DROSHA: variants seen among roughly 807,000 people sequenced by gnomAD.
The protein encoded by DROSHA is drosha ribonuclease III, also known as ribonuclease 3.
Under a neutral mutation model 181.9 loss-of-function variants are expected in DROSHA, and 56 were observed. The observed-to-expected ratio is 0.31, with a 90% CI of 0.25 to 0.38. DROSHA has a LOEUF of 0.38. Among genes scored for constraint, DROSHA ranks in the 10% least tolerant of loss-of-function variants. DROSHA has a pLI of 1.00. For synonymous variants in DROSHA, 524 were observed against 591.2 expected, an observed-to-expected ratio of 0.89 and a Z score of 1.65; for missense variants, 1,218 against 1,743.5, an observed-to-expected ratio of 0.70 and a Z score of 5.37.
chr5:31,431,665 T>C lies in DROSHA; in HGVS notation c.3056A>G (p.Asp1019Gly). ...CCCGTGAGCATACAGCATAAATCGATCCAGTTCAAGTTTCTACAAAATTCA... is the reference window on the plus strand; with the variant it reads ...CCCGTGAGCATACAGCATAAATCGACCCAGTTCAAGTTTCTACAAAATTCA... ...LAMLAKKLEL[D>G]RFMLYAHGPD... Residue 1019 changes from aspartate to glycine, a missense_variant, in exon 26 of 36, where the codon GAT becomes GGT. This residue lies in a region of DROSHA where 460 missense variants were observed against 774.2 expected (regional missense o/e 0.59). Coordinates refer to ENST00000344624, the MANE Select transcript of DROSHA (RefSeq NM_001382508.1). 1.2e-6 allele frequency: 2 copies of C among 1,613,802 alleles called. No homozygotes were observed. Among genetic ancestry groups the C allele is most frequent in the East Asian group, 2.2e-5 (1 of 44,878 alleles).
At chr5:31,512,005 CACAA>C (rs1738749750) in intron 8 of DROSHA, among the ~76,000 whole-genome samples, 1 of 152,056 alleles carries the variant, frequency 6.6e-6, no homozygotes, top group Non-Finnish European at 1.5e-5. Flanking sequence ...CTCACACACA[CACAA>C]ACACATACCA....
intron 11 of DROSHA, among the ~76,000 whole-genome samples, chr5:31,498,187 CACTGCTG>C (rs1753203496): frequency 6.6e-6 from 1 of 152,114 alleles, no homozygotes; most frequent in Non-Finnish European, 1.5e-5. Context: ...ACACGGACAA[CACTGCTG>C]ACATGGAGTA....
chr5:31,491,262 C>T (rs1468140475), intron 13 of DROSHA, among the ~76,000 whole-genome samples: 2 of 151,430 alleles, frequency 1.3e-5, no homozygotes, highest in Admixed American at 6.6e-5. Context: ...AGAGAGGTGC[C>T]AGTATTTATT....
chr5:31,511,046 T>C lies in DROSHA; in HGVS notation c.1421A>G (p.Asp474Gly). ...PPWEPPKTKL[D>G]EDLESSSESE... is the part of the protein sequence containing the mutation. ...TGACTCTGACTCACCTAAATCTTCA[T>C]CGAGCTTCGTCTTTGGAGGTTCCCA... Residue 474 changes from aspartate (D) to glycine (G), a missense_variant, in exon 9 of 36, where the codon GAT (aspartate) becomes GGT (glycine). Physicochemically the swap from Asp to Gly is moderately conservative, Grantham distance 94. Transcript: ENST00000344624. The C allele has an allele frequency of 6.2e-7, 1 of 1,613,988 alleles. No homozygotes were observed. Among genetic ancestry groups the C allele is most frequent in the Non-Finnish European group, 8.5e-7 (1 of 1,179,866 alleles).
At position 31,526,142 on chromosome 5, in the gene DROSHA, C is replaced by T. The variant is rs541810066; in HGVS notation, c.791G>A (p.Arg264Gln). Residue 264 changes from arginine to glutamine, a missense_variant, in exon 5 of 36, where the codon CGG (arginine) becomes CAG (glutamine). Arg to Gln is a conservative substitution (Grantham distance 43). Coordinates refer to ENST00000344624, the MANE Select transcript of DROSHA (RefSeq NM_001382508.1). ...CCCTCGGTCATAATCAGATCTGTAC[C>T]GGCTGTCTTGTCTTCTCCTGTCGGG... ...RSPDRRRQDSRYRSDYDRGRT... is the reference protein window; with the variant it reads ...RSPDRRRQDSQYRSDYDRGRT... 5.0e-6 allele frequency: 8 copies of T among 1,613,642 alleles called. No individual in the cohort carries two copies. Among genetic ancestry groups the T allele is most frequent in the East Asian group, 4.5e-5 (2 of 44,872 alleles).
rs371262517 is a variant in DROSHA at position 31,433,669 on chromosome 5, C to T, written c.3043-1991G>A. 7.9e-5 allele frequency among the ~76,000 whole-genome samples: 12 copies of T among 152,226 alleles called. No individual in the cohort carries two copies. In the East Asian group the frequency reaches 1.7e-3, roughly 22 times the overall value. The stretch of plus-strand genomic sequence containing the variant: ...ACGCCATTCTCCTGCCTCAGCCTCC[C>T]GAGTAGCCGGGACTACAGGCGCCTG... On this transcript the variant is annotated intron_variant, in intron 25 of 35. Coordinates refer to ENST00000344624, the MANE Select transcript of DROSHA (RefSeq NM_001382508.1).
chr5:31,503,319 T>C (rs75773059), intron 11 of DROSHA, among the ~76,000 whole-genome samples: 6,354 of 152,246 alleles, frequency 0.042, 443 homozygotes, highest in African/African-American at 0.15. Context: ...ACTAGCCAGA[T>C]ACAATGACTC....
chr5:31,423,027 T>C, intron 28 of DROSHA, 83 bp from the exon 29 acceptor site: 1 of 1,240,466 alleles, frequency 8.1e-7, no homozygotes, highest in Non-Finnish European at 1.0e-6. Context: ...CAGTGTTTTG[T>C]AAAATTCCTT....
intron 24 of DROSHA, among the ~76,000 whole-genome samples, chr5:31,436,483 C>T (rs981859979): frequency 2.6e-5 from 4 of 151,698 alleles, no homozygotes; most frequent in African/African-American, 4.8e-5. Context: ...ACCTCCACCT[C>T]CCAGGTTCAA....
Position 31,501,257 on chromosome 5 carries a change from A to T in DROSHA, c.1668+3298T>A, listed in dbSNP as rs144968265. ...TGCCCCAGTTAGAGTAGAGAATATG[A>T]GGCCAAGGTAATAAATGGATCTTGG... On this transcript the variant is annotated intron_variant, in intron 11 of 35. Coordinates refer to ENST00000344624, the MANE Select transcript of DROSHA (RefSeq NM_001382508.1). 9.9e-5 allele frequency among the ~76,000 whole-genome samples: 15 copies of T among 152,246 alleles called. No individual in the cohort carries two copies. In the East Asian group the frequency reaches 2.7e-3, roughly 28 times the overall value.
chr5:31,431,448 C>T (rs920985931), intron 26 of DROSHA, 128 bp downstream of exon 26: 11 of 685,790 alleles, frequency 1.6e-5, no homozygotes, highest in African/African-American at 7.4e-5. Context: ...TGGTAGGTGT[C>T]GTCCTAGGAA....
intron 23 of DROSHA, among the ~76,000 whole-genome samples, chr5:31,438,674 C>G (rs1389150568): frequency 9.9e-5 from 15 of 152,036 alleles, no homozygotes; most frequent in Admixed American, 9.8e-4. Context: ...ACATATTAAC[C>G]TACTGCTCAT....
chr5:31,492,074 G>A (rs1293969311), intron 13 of DROSHA, among the ~76,000 whole-genome samples: 2 of 152,186 alleles, frequency 1.3e-5, no homozygotes, highest in African/African-American at 2.4e-5. Flanking sequence ...GATTACAGGC[G>A]TGAGCCACCG....
chr5:31,492,928 T>C (rs917156138), intron 13 of DROSHA, among the ~76,000 whole-genome samples: 12 of 152,210 alleles, frequency 7.9e-5, no homozygotes, highest in African/African-American at 2.9e-4. Context: ...TACTCCACAG[T>C]TTATCCTCCT....
chr5:31,429,359 G>A (rs1743862341), intron 27 of DROSHA, 116 bp downstream of exon 27: 3 of 926,030 alleles, frequency 3.2e-6, no homozygotes, highest in Non-Finnish European at 4.7e-6. Context: ...TCCCATCTAT[G>A]GTAGATCTGA....
At chr5:31,520,194 C>T (rs1271399793) in intron 6 of DROSHA, among the ~76,000 whole-genome samples, 1 of 151,950 alleles carries the variant, frequency 6.6e-6, no homozygotes, top group Non-Finnish European at 1.5e-5. Context: ...AGAAATCAAC[C>T]CATCACATTC....
At chr5:31,515,625 A>AG in intron 6 of DROSHA, 61 bp from the exon 7 acceptor site, 2 of 1,545,046 alleles carry the variant, frequency 1.3e-6, no homozygotes, top group South Asian at 2.4e-5. Flanking sequence ...AATTTCAGCA[A>AG]TGAGAATACC....
At chr5:31,460,411 C>T (rs1381749780) in intron 20 of DROSHA, among the ~76,000 whole-genome samples, 2 of 152,192 alleles carry the variant, frequency 1.3e-5, no homozygotes, top group Non-Finnish European at 2.9e-5. Flanking sequence ...TCCTTGGTAG[C>T]TTCTCTGGTT....
rs762758438 is a variant in DROSHA, at chr5:31,526,257, T to C, written c.676A>G (p.Lys226Glu). The C allele has an allele frequency of 2.0e-5, 32 of 1,613,784 alleles. No individual in the cohort carries two copies. The East Asian group carries it at 6.7e-4, about 34-fold the overall frequency. ...PSERRSPERL[K>E]HYDDHRHRDH... Reference sequence around the variant, plus strand: ...CGGTGCCTGTGGTCATCATAGTGTTTCAGCCTTTCTGGGGACCTTCTCTCA... The same window carrying C: ...CGGTGCCTGTGGTCATCATAGTGTTCCAGCCTTTCTGGGGACCTTCTCTCA... Residue 226 changes from lysine (K) to glutamate (E), a missense_variant, in exon 5 of 36, where the codon AAA (lysine) becomes GAA (glutamate). By Grantham distance (56) the Lys-to-Glu change is moderately conservative. Coordinates refer to ENST00000344624, the MANE Select transcript of DROSHA (RefSeq NM_001382508.1).
Sources: allele counts gnomAD v4.1 joint callset (sites outside exome capture counted in the v4.1 genomes callset), GRCh38; gene constraint gnomAD v4.1.1; regional missense constraint gnomAD v4.1.1; transcripts MANE v1.5; gene names NCBI Gene and HGNC (gene_info 2026-07-23, HGNC 2026-07-21).